Variants in FOXD4 observed in about 807,000 individuals in gnomAD.
The protein encoded by FOXD4 is forkhead box protein D4.
Under a neutral mutation model 26.5 loss-of-function variants are expected in FOXD4, and 22 were observed. The ratio of observed to expected loss-of-function variants is 0.83; its 90% CI spans 0.59 to 1.18. FOXD4 has a LOEUF of 1.18. Ranked by LOEUF, FOXD4 falls within the 50% of genes most tolerant of loss-of-function variation. The probability of loss-of-function intolerance (pLI) is 0.00; values close to 1 mark genes in which losing one functional copy is unlikely to be tolerated. For synonymous variants in FOXD4, 258 were observed against 273.7 expected (o/e 0.94, Z 0.57); for missense variants, 625 against 605.8 (o/e 1.03, Z -0.33).
Position 117,049 on chromosome 9 carries a change from G to T in FOXD4, c.1071C>A (p.Ala357=), listed in dbSNP as rs1267059589. The T allele has an allele frequency of 6.2e-7, 1 of 1,611,958 alleles. No homozygotes were observed. Among genetic ancestry groups the T allele is most frequent in the African/African-American group, 1.3e-5 (1 of 74,872 alleles). ...GCTGTTGCTGCAAAATTGTCCGACA[G>T]GCTTGACGGTCGCTGGAGCAGGGGG... is the stretch of plus-strand genomic sequence containing the variant. ...ATAPCSSDRQ[A]CRTILQQQQR... The change falls in exon 1 of 1, where the codon GCC becomes GCA. Residue 357 remains alanine (A), a synonymous_variant. Coordinates refer to ENST00000382500, the MANE Select transcript of FOXD4 (RefSeq NM_207305.5).
In FOXD4 at chr9:116,677, A is replaced by G. The variant is rs781499748; in HGVS notation, c.*123T>C. On this transcript the variant is annotated 3_prime_UTR_variant, in exon 1 of 1. Coordinates refer to ENST00000382500, the MANE Select transcript of FOXD4 (RefSeq NM_207305.5). Reference sequence around the variant, plus strand: ...GAACGTAATCCAGCTGTTTCTTTCTAACCATTTTGCAGGGAACAGAAGTTC... The same window carrying G: ...GAACGTAATCCAGCTGTTTCTTTCTGACCATTTTGCAGGGAACAGAAGTTC... The G allele has an allele frequency of 3.3e-5, 48 of 1,454,392 alleles. No individual in the cohort carries two copies. The highest frequency in any genetic ancestry group is 4.6e-5 in the Admixed American group (2 of 43,878). 90.1% of individuals were successfully genotyped at this position (1,454,392 alleles called of 1,614,324 possible).
chr9:116,477 G>T lies in FOXD4; in HGVS notation c.*323C>A. ...AAGGGGGAACATGTTTGGCATCGGAGGCTGTGTTTTTGTTTGCTTGCTTGT... is the reference window on the plus strand; with the variant it reads ...AAGGGGGAACATGTTTGGCATCGGATGCTGTGTTTTTGTTTGCTTGCTTGT... On this transcript the variant is annotated 3_prime_UTR_variant, in exon 1 of 1. Coordinates refer to ENST00000382500, the MANE Select transcript of FOXD4 (RefSeq NM_207305.5). 2 of 475,514 alleles carry T rather than the reference G, an allele frequency of 4.2e-6. No individual in the cohort carries two copies. Among genetic ancestry groups the T allele is most frequent in the Non-Finnish European group, 3.9e-6 (1 of 258,622 alleles). 29.5% of individuals were successfully genotyped at this position (475,514 alleles called of 1,614,324 possible).
chr9:116,758 T>C lies in FOXD4; in HGVS notation c.*42A>G, dbSNP rs1819366293. ...CACGCCCAGTATGGGCCGCGCAAGG[T>C]GGAGTGAGCAGCTGCGGGTCGCTCC... On this transcript the variant is annotated 3_prime_UTR_variant, in exon 1 of 1. Transcript: ENST00000382500. The C allele has an allele frequency of 3.2e-6, 5 of 1,552,524 alleles. No homozygotes were observed. Among genetic ancestry groups the C allele is most frequent in the African/African-American group, 1.4e-5 (1 of 72,910 alleles).
Position 118,265 on chromosome 9 carries a change from C to G in FOXD4, c.-146G>C, listed in dbSNP as rs1012019307. 623 of 1,548,894 alleles carry G rather than the reference C, an allele frequency of 4.0e-4. No homozygotes were observed. The highest frequency in any genetic ancestry group is 5.1e-4 in the Non-Finnish European group (583 of 1,137,800). On this transcript the variant is annotated 5_prime_UTR_variant, in exon 1 of 1. Coordinates refer to ENST00000382500, the MANE Select transcript of FOXD4 (RefSeq NM_207305.5). ...GGATGTTTTCCTCTGCTTGTTTCTACGCCTTTGCAACAACGTCCGGCAAAG... is the reference window on the plus strand; with the variant it reads ...GGATGTTTTCCTCTGCTTGTTTCTAGGCCTTTGCAACAACGTCCGGCAAAG...
rs1165651788 is a variant in FOXD4 at position 116,748 on chromosome 9, C to T, written c.*52G>A. The T allele has an allele frequency of 1.3e-6, 2 of 1,540,644 alleles. No homozygotes were observed. Among genetic ancestry groups the T allele is most frequent in the Non-Finnish European group, 1.7e-6 (2 of 1,146,256 alleles). Reference sequence around the variant, plus strand: ...TTCAGATGCACACGCCCAGTATGGGCCGCGCAAGGTGGAGTGAGCAGCTGC... The same window carrying T: ...TTCAGATGCACACGCCCAGTATGGGTCGCGCAAGGTGGAGTGAGCAGCTGC... On this transcript the variant is annotated 3_prime_UTR_variant, in exon 1 of 1. Coordinates refer to ENST00000382500, the MANE Select transcript of FOXD4 (RefSeq NM_207305.5).
Position 118,394 on chromosome 9 carries a change from C to T in FOXD4, c.-275G>A, listed in dbSNP as rs1301834537. ...TCGGAGCGGTGCCACTTCCTCCTAACGTAGTCCAGGGATGATGGTCTTCTG... is the reference window on the plus strand; with the variant it reads ...TCGGAGCGGTGCCACTTCCTCCTAATGTAGTCCAGGGATGATGGTCTTCTG... On this transcript the variant is annotated 5_prime_UTR_variant, in exon 1 of 1. Coordinates refer to ENST00000382500, the MANE Select transcript of FOXD4 (RefSeq NM_207305.5). 6.7e-6 allele frequency among the ~76,000 whole-genome samples: 1 copy of T among 149,874 alleles called. No individual in the cohort carries two copies. Among genetic ancestry groups the T allele is most frequent in the Non-Finnish European group, 1.5e-5 (1 of 67,282 alleles).
At position 117,916 on chromosome 9, in the gene FOXD4, C is replaced by T. The variant is rs1819414002; in HGVS notation, c.204G>A (p.Glu68=). 1 of 1,611,958 alleles carries T rather than the reference C, an allele frequency of 6.2e-7. No individual in the cohort carries two copies. Among genetic ancestry groups the T allele is most frequent in the Non-Finnish European group, 8.5e-7 (1 of 1,179,854 alleles). ...TCGGGCCGCCGCCGCCCTCGATGTG[C>T]TCTCGGGGAAGCGCAACCCCGCCCC... is the stretch of plus-strand genomic sequence containing the variant. ...ARWGGVALPR[E]HIEGGGGPSD... The change falls in exon 1 of 1, where the codon GAG becomes GAA. Residue 68 remains glutamate (E), a synonymous_variant. Transcript: ENST00000382500.
In FOXD4 at chr9:117,229, A is replaced by C. The variant is rs1260975184; in HGVS notation, c.891T>G (p.Pro297=). 3.7e-6 allele frequency: 6 copies of C among 1,609,678 alleles called. No homozygotes were observed. In the African/African-American group the frequency reaches 6.7e-5, roughly 18 times the overall value. Residue 297 remains proline (P), a synonymous_variant, in exon 1 of 1, where the codon CCT becomes CCG. Transcript: ENST00000382500. ...ATPAPFPCCS[P]HLVLSLGRRA... Reference sequence around the variant, plus strand: ...TCCTCCCAAGGCTGAGGACCAAGTGAGGGCTGCAGCACGGGAAGGGTGCCG... The same window carrying C: ...TCCTCCCAAGGCTGAGGACCAAGTGCGGGCTGCAGCACGGGAAGGGTGCCG...
At position 116,389 on chromosome 9, in the gene FOXD4, C is replaced by T. The variant is rs1283317586; in HGVS notation, c.*411G>A. ...ATTAAACATCCCTATCAGGAAGACA[C>T]AGAGAGTAGAAGCATTTTGCACTAG... is the stretch of plus-strand genomic sequence containing the variant. On this transcript the variant is annotated 3_prime_UTR_variant, in exon 1 of 1. Transcript: ENST00000382500. The T allele has an allele frequency of 3.8e-6, 1 of 260,666 alleles. No homozygotes were observed. Among genetic ancestry groups the T allele is most frequent in the African/African-American group, 2.3e-5 (1 of 43,912 alleles). 16.1% of individuals were successfully genotyped at this position (260,666 alleles called of 1,614,324 possible).
chr9:118,077 G>A lies in FOXD4; in HGVS notation c.43C>T (p.Arg15Cys), dbSNP rs1375064328. Residue 15 changes from arginine to cysteine, a missense_variant, in exon 1 of 1, where the codon CGC (arginine) becomes TGC (cysteine). Physicochemically the swap from Arg to Cys is radical, Grantham distance 180. This residue lies in a region of FOXD4 where 399 missense variants were observed against 329.4 expected (regional missense o/e 1.21). Coordinates refer to ENST00000382500, the MANE Select transcript of FOXD4 (RefSeq NM_207305.5). ...TCCCCATCGGAGTCCCGGAGGCTGC[G>A]CTGCGGTGTGGAGCGAAGGCGCTCA... Reference protein sequence around the residue: ...RAERLRSTPQRSLRDSDGEDG... With the variant: ...RAERLRSTPQCSLRDSDGEDG... 6.2e-7 allele frequency: 1 copy of A among 1,612,016 alleles called. No individual in the cohort carries two copies. The highest frequency in any genetic ancestry group is 2.2e-5 in the East Asian group (1 of 44,878).
rs776645342 is a variant in FOXD4 at position 117,994 on chromosome 9, C to T, written c.126G>A (p.Ala42=). The change falls in exon 1 of 1, where the codon GCG becomes GCA. Residue 42 remains alanine (A), a synonymous_variant. Transcript: ENST00000382500. Reference sequence around the variant, plus strand: ...GCGACTGCTCTAGGAACTGCTGGCTCGCCGCCTCCTCCTCGTCTTCATCTT... The same window carrying T: ...GCGACTGCTCTAGGAACTGCTGGCTTGCCGCCTCCTCCTCGTCTTCATCTT... The part of the protein sequence containing the change: ...EEEDEDEEEA[A]SQQFLEQSLQ... The T allele has an allele frequency of 4.3e-5, 69 of 1,611,268 alleles. No homozygotes were observed. Among genetic ancestry groups the T allele is most frequent in the Non-Finnish European group, 5.6e-5 (66 of 1,179,612 alleles).
chr9:116,811 C>G lies in FOXD4; in HGVS notation c.1309G>C (p.Gly437Arg). The change falls in exon 1 of 1, where the codon GGG becomes CGG. Residue 437 changes from glycine to arginine, a missense_variant. By Grantham distance (125) the Gly-to-Arg change is moderately radical (BLOSUM62 -2). This residue lies in a region of FOXD4 where 134 missense variants were observed against 132.2 expected (regional missense o/e 1.01). Transcript: ENST00000382500. ...PTPSSLAESAGPS is the reference protein window; with the variant it reads ...PTPSSLAESARPS ...ACTCCCACCTGGCTCTAGGAGGGCC[C>G]TGCGGACTCGGCCAGGGAACTGGGC... 1 of 1,599,894 alleles carries G rather than the reference C, an allele frequency of 6.3e-7. No homozygotes were observed. The highest frequency in any genetic ancestry group is 1.3e-5 in the African/African-American group (1 of 74,558).
At position 118,158 on chromosome 9, in the gene FOXD4, C is replaced by G. The variant is rs1587380035; in HGVS notation, c.-39G>C. 1 of 1,508,762 alleles carries G rather than the reference C, an allele frequency of 6.6e-7. No individual in the cohort carries two copies. The highest frequency in any genetic ancestry group is 8.9e-7 in the Non-Finnish European group (1 of 1,120,054). The allele number at this position is 1,508,762 out of a possible 1,614,324, so 93.5% of individuals were successfully genotyped here. A position where few individuals can be genotyped will look rare whatever the true frequency, so the allele number is the denominator to read the frequency against. The stretch of plus-strand genomic sequence containing the variant: ...CTTCAGTCGCAGGGGATGTGGCGGC[C>G]GGATCACCTGGCCCCGGCGGGCTGA... On this transcript the variant is annotated 5_prime_UTR_variant, in exon 1 of 1. Transcript: ENST00000382500.
At position 117,654 on chromosome 9, in the gene FOXD4, G is replaced by T. The variant is rs1287843282; in HGVS notation, c.466C>A (p.Leu156Ile). 1 of 1,613,680 alleles carries T rather than the reference G, an allele frequency of 6.2e-7. No homozygotes were observed. Among genetic ancestry groups the T allele is most frequent in the African/African-American group, 1.3e-5 (1 of 74,914 alleles). The change falls in exon 1 of 1, where the codon CTC becomes ATC. Residue 156 changes from leucine (L) to isoleucine (I), a missense_variant. Coordinates refer to ENST00000382500, the MANE Select transcript of FOXD4 (RefSeq NM_207305.5). ...TTGACGAAGCAGTCGTTCAGCGAGA[G>T]GTTGTGGCGGATGCTGTTCTGCCAG... ...PAWQNSIRHN[L>I]SLNDCFVKIP...
chr9:116,838 T>C lies in FOXD4; in HGVS notation c.1282A>G (p.Thr428Ala), dbSNP rs1819371153. The change falls in exon 1 of 1, where the codon ACG (threonine) becomes GCG (alanine). Residue 428 changes from threonine (T) to alanine (A), a missense_variant. Thr to Ala is a moderately conservative substitution (Grantham distance 58). Around this residue, in one of 3 missense-constraint regions of FOXD4, gnomAD observed 134 missense variants for 132.2 expected, o/e 1.01. Transcript: ENST00000382500. Reference sequence around the variant, plus strand: ...GCGGACTCGGCCAGGGAACTGGGCGTGGGCGATACTAAAAAAACTGGTGAG... The same window carrying C: ...GCGGACTCGGCCAGGGAACTGGGCGCGGGCGATACTAAAAAAACTGGTGAG... ...GTSPVFLVSP[T>A]PSSLAESAGP... 3 of 1,606,896 alleles carry C rather than the reference T, an allele frequency of 1.9e-6. No individual in the cohort carries two copies. The highest frequency in any genetic ancestry group is 2.5e-6 in the Non-Finnish European group (3 of 1,177,248).
Position 117,693 on chromosome 9 carries a change from G to C in FOXD4, c.427C>G (p.Arg143Gly), listed in dbSNP as rs539458096. The C allele has an allele frequency of 3.0e-5, 49 of 1,612,930 alleles. No homozygotes were observed. The South Asian group carries it at 5.4e-4, about 18-fold the overall frequency. ...FISDRFPYYRRKFPAWQNSIR... is the reference protein window; with the variant it reads ...FISDRFPYYRGKFPAWQNSIR... Reference sequence around the variant, plus strand: ...CTGTTCTGCCAGGCGGGGAACTTGCGGCGGTAGTAGGGGAAGCGGTCACTA... The same window carrying C: ...CTGTTCTGCCAGGCGGGGAACTTGCCGCGGTAGTAGGGGAAGCGGTCACTA... The change falls in exon 1 of 1, where the codon CGC becomes GGC. Residue 143 changes from arginine to glycine, a missense_variant. Physicochemically the swap from Arg to Gly is moderately radical, Grantham distance 125. Transcript: ENST00000382500.
In FOXD4 at chr9:116,887, G is replaced by A. The variant is rs2811155; in HGVS notation, c.1233C>T (p.Ala411=). Residue 411 remains alanine (A), a synonymous_variant, in exon 1 of 1, where the codon GCC becomes GCT. Coordinates refer to ENST00000382500, the MANE Select transcript of FOXD4 (RefSeq NM_207305.5). ...AGGTCCCCTCTCCGCCCAAAGGGGC[G>A]GCCAGCGATGTCAGCCCAGAGCCCT... The part of the protein sequence containing the change: ...VAEGSGLTSL[A]APLGGEGTSP... The A allele has an allele frequency of 3.7e-6, 6 of 1,610,578 alleles. No homozygotes were observed. Among genetic ancestry groups the A allele is most frequent in the Non-Finnish European group, 5.1e-6 (6 of 1,178,958 alleles).
Position 118,262 on chromosome 9 carries a change from C to T in FOXD4, c.-143G>A. ...TTGGGATGTTTTCCTCTGCTTGTTT[C>T]TACGCCTTTGCAACAACGTCCGGCA... On this transcript the variant is annotated 5_prime_UTR_variant, in exon 1 of 1. Coordinates refer to ENST00000382500, the MANE Select transcript of FOXD4 (RefSeq NM_207305.5). 5 of 1,555,924 alleles carry T rather than the reference C, an allele frequency of 3.2e-6. No individual in the cohort carries two copies. Among genetic ancestry groups the T allele is most frequent in the Non-Finnish European group, 4.4e-6 (5 of 1,143,072 alleles).
Position 117,012 on chromosome 9 carries a change from C to T in FOXD4, c.1108G>A (p.Glu370Lys). The change falls in exon 1 of 1, where the codon GAG becomes AAG. Residue 370 changes from glutamate (E) to lysine (K), a missense_variant. Glu to Lys is a moderately conservative substitution (Grantham distance 56). Around this residue, in one of 3 missense-constraint regions of FOXD4, gnomAD observed 134 missense variants for 132.2 expected, o/e 1.01. Coordinates refer to ENST00000382500, the MANE Select transcript of FOXD4 (RefSeq NM_207305.5). ...GCGCAGCCGTTGGCGCAGTCCTCCT[C>T]CTGATGCCGCTGCTGTTGCTGCAAA... Reference protein sequence around the residue: ...TILQQQQRHQEEDCANGCAPT... With the variant: ...TILQQQQRHQKEDCANGCAPT... 1 of 1,612,066 alleles carries T rather than the reference C, an allele frequency of 6.2e-7. No homozygotes were observed.
Sources: allele counts gnomAD v4.1 joint callset (sites outside exome capture counted in the v4.1 genomes callset), GRCh38; gene constraint gnomAD v4.1.1; regional missense constraint gnomAD v4.1.1; transcripts MANE v1.5; gene names NCBI Gene and HGNC (gene_info 2026-07-23, HGNC 2026-07-21).